Variants in LMX1A observed in about 807,000 individuals in gnomAD.
The protein encoded by LMX1A is LIM homeobox transcription factor 1-alpha.
In LMX1A, 15 loss-of-function variants were observed where a neutral mutation model predicts 49.1. That is an observed-to-expected ratio of 0.31 (90% CI 0.20 to 0.47). The LOEUF is 0.47. LMX1A is among the 20% of genes least tolerant of loss of function. The probability of loss-of-function intolerance (pLI) is 1.00; values close to 1 mark genes in which losing one functional copy is unlikely to be tolerated. For missense variants in LMX1A, 372 were observed against 475.8 expected, an observed-to-expected ratio of 0.78 and a Z score of 2.03; for synonymous variants, 167 against 185.7, an observed-to-expected ratio of 0.90 and a Z score of 0.82.
chr1:165,355,299 G>A lies in LMX1A; in HGVS notation c.76+185C>T, dbSNP rs1188253675. 1.3e-5 allele frequency among the ~76,000 whole-genome samples: 2 copies of A among 152,140 alleles called. No individual in the cohort carries two copies. Among genetic ancestry groups the A allele is most frequent in the African/African-American group, 4.8e-5 (2 of 41,426 alleles). ...CAGTGCGTGAGGCCTGGGGCGGCTT[G>A]TTGGATTTATTTGGGTAGGGACGAC... is the stretch of plus-strand genomic sequence containing the variant. On this transcript the variant is annotated intron_variant, in intron 2 of 8. Coordinates refer to ENST00000342310, the MANE Select transcript of LMX1A (RefSeq NM_177398.4). The surrounding 1 kb of genome is among the most constrained non-coding windows in gnomAD (Gnocchi z 4.7).
chr1:165,353,198 C>T lies in LMX1A; in HGVS notation c.141G>A (p.Leu47=). 6.2e-7 allele frequency: 1 copy of T among 1,614,046 alleles called. No homozygotes were observed. The highest frequency in any genetic ancestry group is 8.5e-7 in the Non-Finnish European group (1 of 1,180,014). Residue 47 remains leucine (L), a synonymous_variant, in exon 3 of 9, where the codon CTG becomes CTA. Coordinates refer to ENST00000342310, the MANE Select transcript of LMX1A (RefSeq NM_177398.4). Reference sequence around the variant, plus strand: ...GCCAGAAGCTGTCGTTGAGCCGCAGCAGAAACCTGTCCAAGATGACCCGCT... The same window carrying T: ...GCCAGAAGCTGTCGTTGAGCCGCAGTAGAAACCTGTCCAAGATGACCCGCT... ...GCQRVILDRF[L]LRLNDSFWHE... is the part of the protein sequence containing the mutation.
intron 3 of LMX1A, among the ~76,000 whole-genome samples, chr1:165,269,249 A>G (rs1025389578): frequency 3.3e-5 from 5 of 152,250 alleles, no homozygotes; most frequent in Admixed American, 2.0e-4. Flanking sequence ...GCCGAGAATC[A>G]GCTTCCCTAA....
In LMX1A at chr1:165,353,256, G is replaced by A. The variant is rs1188555257; in HGVS notation, c.83C>T (p.Ala28Val). ...SASFSSLLGR[A>V]VSPKSVCEGC... ...CTCGCAGACAGACTTGGGGCTCACC[G>A]CTCTGCCTGTAGCCACAACAGACGT... is the stretch of plus-strand genomic sequence containing the variant. Residue 28 changes from alanine (A) to valine (V), a missense_variant, in exon 3 of 9, where the codon GCG (alanine) becomes GTG (valine). By Grantham distance (64) the Ala-to-Val change is moderately conservative. Coordinates refer to ENST00000342310, the MANE Select transcript of LMX1A (RefSeq NM_177398.4). 3 of 1,609,922 alleles carry A rather than the reference G, an allele frequency of 1.9e-6. No individual in the cohort carries two copies. Among genetic ancestry groups the A allele is most frequent in the African/African-American group, 2.7e-5 (2 of 75,022 alleles).
chr1:165,258,909 C>G (rs1008241827), intron 3 of LMX1A, among the ~76,000 whole-genome samples: 1 of 152,138 alleles, frequency 6.6e-6, no homozygotes, highest in Non-Finnish European at 1.5e-5. Flanking sequence ...TCTCTTGGAG[C>G]CTCGGCTTCT....
At chr1:165,207,135 T>A (rs967378754) in intron 7 of LMX1A, among the ~76,000 whole-genome samples, 2 of 152,184 alleles carry the variant, frequency 1.3e-5, no homozygotes, top group Non-Finnish European at 2.9e-5. Flanking sequence ...CACCCAGACC[T>A]TCCTTATGAA....
chr1:165,333,767 C>A (rs1333337403), intron 3 of LMX1A, among the ~76,000 whole-genome samples: 1 of 152,084 alleles, frequency 6.6e-6, no homozygotes, highest in African/African-American at 2.4e-5. Context: ...CGCACACACA[C>A]ACAATGAAAA....
intron 4 of LMX1A, among the ~76,000 whole-genome samples, chr1:165,242,929 CA>C (rs35937155): frequency 0.13 from 14,449 of 114,732 alleles, 604 homozygotes; most frequent in South Asian, 0.19. Flanking sequence ...AACTCCACCT[CA>C]AAAAAAAAAA....
intron 3 of LMX1A, among the ~76,000 whole-genome samples, chr1:165,275,837 GTGTGTGTGTA>G (rs1483262570): frequency 4.1e-5 from 3 of 73,246 alleles, no homozygotes; most frequent in Admixed American, 1.5e-4. Flanking sequence ...TGGCGCTGGG[GTGTGTGTGTA>G]TGTGTGTGTG....
intron 4 of LMX1A, among the ~76,000 whole-genome samples, chr1:165,234,752 A>G (rs992270418): frequency 6.6e-6 from 1 of 152,254 alleles, no homozygotes; most frequent in Admixed American, 6.5e-5. Flanking sequence ...ATAATTCATG[A>G]AAGAAGGAAA....
At chr1:165,301,396 C>A (rs1348740556) in intron 3 of LMX1A, among the ~76,000 whole-genome samples, 1 of 151,858 alleles carries the variant, frequency 6.6e-6, no homozygotes, top group Non-Finnish European at 1.5e-5. Flanking sequence ...CACTTCTCTG[C>A]CAGTACAATT....
intron 3 of LMX1A, among the ~76,000 whole-genome samples, chr1:165,348,479 C>G (rs770080026): frequency 6.6e-6 from 1 of 152,146 alleles, no homozygotes; most frequent in Non-Finnish European, 1.5e-5. Context: ...GGCCCATGGA[C>G]GGTGCTTATG....
Position 165,213,832 on chromosome 1 carries a change from A to C in LMX1A, c.497-19T>G, listed in dbSNP as rs201080273. 6.2e-7 allele frequency: 1 copy of C among 1,612,676 alleles called. No individual in the cohort carries two copies. The highest frequency in any genetic ancestry group is 1.7e-5 in the Admixed American group (1 of 59,812). On this transcript the variant is annotated intron_variant, in intron 4 of 8. Transcript: ENST00000342310. ...CTTTTACCTGAAAGAAGCAAAAGAC[A>C]ATGTTGTGAGTCCCTGAAAGCCAGT...
Position 165,292,490 on chromosome 1 carries a change from T to C in LMX1A, c.264-42850A>G, listed in dbSNP as rs570007713. The stretch of plus-strand genomic sequence containing the variant: ...ATACGAAGTGGCTATAAGGCTCATA[T>C]GGAGAAGAGCAGGTGGCTTCCAACC... On this transcript the variant is annotated intron_variant, in intron 3 of 8. Coordinates refer to ENST00000342310, the MANE Select transcript of LMX1A (RefSeq NM_177398.4). 6.6e-5 allele frequency among the ~76,000 whole-genome samples: 10 copies of C among 152,298 alleles called. No homozygotes were observed. The East Asian group carries it at 1.9e-3, about 29-fold the overall frequency.
intron 3 of LMX1A, among the ~76,000 whole-genome samples, chr1:165,301,697 A>T (rs755334706): frequency 6.6e-6 from 1 of 152,240 alleles, no homozygotes; most frequent in Non-Finnish European, 1.5e-5. Flanking sequence ...AAAGAAAACA[A>T]AATCAAGCAA....
At chr1:165,267,058 G>A (rs1653649365) in intron 3 of LMX1A, among the ~76,000 whole-genome samples, 2 of 151,520 alleles carry the variant, frequency 1.3e-5, no homozygotes, top group Admixed American at 1.3e-4. Flanking sequence ...ATGATATTCA[G>A]TACATTCACA....
intron 5 of LMX1A, among the ~76,000 whole-genome samples, chr1:165,211,517 G>C (rs190909163): frequency 2.8e-4 from 42 of 152,366 alleles, no homozygotes; most frequent in African/African-American, 9.4e-4. Flanking sequence ...GGGGGCCTGA[G>C]AGACACTGAC....
At chr1:165,207,372 C>T (rs1651132889) in intron 7 of LMX1A, 1 of 152,142 alleles carries the variant, frequency 6.6e-6, no homozygotes, top group Non-Finnish European at 1.5e-5. Flanking sequence ...ACCCTCCTCC[C>T]TAATCCTCAT....
chr1:165,282,841 A>C (rs1286829638), intron 3 of LMX1A, among the ~76,000 whole-genome samples: 1 of 152,226 alleles, frequency 6.6e-6, no homozygotes, highest in Non-Finnish European at 1.5e-5. Context: ...TTGCCTTCCT[A>C]AACTGGCACA....
At chr1:165,257,529 A>G (rs1048912594) in intron 3 of LMX1A, among the ~76,000 whole-genome samples, 1 of 152,204 alleles carries the variant, frequency 6.6e-6, no homozygotes, top group Non-Finnish European at 1.5e-5. Context: ...CCCTCTATGG[A>G]TGTGGGTTAG....
Sources: gnomAD v4.1 joint callset for allele counts (sites outside exome capture counted in the v4.1 genomes callset) on GRCh38, gnomAD v4.1.1 for gene constraint, Gnocchi (gnomAD v3.1) non-coding constraint, MANE v1.5 for transcripts, NCBI Gene and HGNC (gene_info 2026-07-23, HGNC 2026-07-21) for gene names.